Variants in ATRNL1 observed in about 807,000 individuals in gnomAD.
ATRNL1 encodes the protein attractin-like protein 1.
ATRNL1 carries 95 observed loss-of-function variants against 182.7 expected under a neutral mutation model. That is an observed-to-expected ratio of 0.52 (90% CI 0.44 to 0.62). The LOEUF (loss-of-function observed/expected upper bound fraction) is 0.62. ATRNL1 is among the 20% of genes least tolerant of loss of function. The pLI, the probability that ATRNL1 is intolerant of heterozygous loss-of-function variation, is 0.00. For synonymous variants in ATRNL1, 576 were observed against 568.3 expected, an observed-to-expected ratio of 1.01 and a Z score of -0.19; for missense variants, 1,471 against 1,679.5, an observed-to-expected ratio of 0.88 and a Z score of 2.17.
At chr10:115,118,050 G>A (rs782240835) in intron 1 of ATRNL1, among the ~76,000 whole-genome samples, 1 of 151,924 alleles carries the variant, frequency 6.6e-6, no homozygotes, top group African/African-American at 2.4e-5. Context: ...AAATTGGATT[G>A]TTGGCTTTTT....
intron 8 of ATRNL1, among the ~76,000 whole-genome samples, chr10:115,206,517 T>C (rs1848801931): frequency 6.6e-6 from 1 of 152,164 alleles, no homozygotes; most frequent in Admixed American, 6.6e-5. Flanking sequence ...CTTGAGCTAA[T>C]ATCATATCTA....
chr10:115,664,108 C>T (rs1860863526), intron 26 of ATRNL1, among the ~76,000 whole-genome samples: 1 of 152,100 alleles, frequency 6.6e-6, no homozygotes, highest in Non-Finnish European at 1.5e-5. Flanking sequence ...TTGAGACTAC[C>T]TTCCTGGCCC....
At chr10:115,295,624 A>C (rs1224036722) in intron 15 of ATRNL1, among the ~76,000 whole-genome samples, 5 of 152,058 alleles carry the variant, frequency 3.3e-5, no homozygotes, top group Non-Finnish European at 5.9e-5. Context: ...GGGGCGTATT[A>C]GCTGCACAGA....
intron 27 of ATRNL1, among the ~76,000 whole-genome samples, chr10:115,731,763 A>G (rs958334887): frequency 2.0e-5 from 3 of 151,606 alleles, no homozygotes; most frequent in African/African-American, 7.3e-5. Flanking sequence ...CCCGAAAGAA[A>G]CCCTATGCCT....
intron 13 of ATRNL1, 145 bp from the exon 14 acceptor site, chr10:115,281,210 A>G (rs1482220680): frequency 3.2e-6 from 2 of 626,212 alleles, no homozygotes; most frequent in Non-Finnish European, 4.9e-6. Flanking sequence ...AATGAAATAA[A>G]TAAGGGAGAG....
chr10:115,247,062 A>G (rs1850675743), intron 10 of ATRNL1, among the ~76,000 whole-genome samples: 1 of 152,204 alleles, frequency 6.6e-6, no homozygotes, highest in Admixed American at 6.5e-5. Context: ...ACAATAAAAC[A>G]ACAGAAAACA....
At chr10:115,348,436 A>G (rs541074838) in intron 19 of ATRNL1, among the ~76,000 whole-genome samples, 2 of 152,264 alleles carry the variant, frequency 1.3e-5, no homozygotes, top group South Asian at 4.1e-4. Flanking sequence ...TATTATTATT[A>G]CTATTCATAA....
At chr10:115,841,851 A>G (rs1555097261) in intron 27 of ATRNL1, among the ~76,000 whole-genome samples, 2 of 152,110 alleles carry the variant, frequency 1.3e-5, no homozygotes. Context: ...TGCTGATCCT[A>G]TGGAATCAGG....
At chr10:115,663,327 T>C (rs1860807692) in intron 26 of ATRNL1, among the ~76,000 whole-genome samples, 1 of 152,120 alleles carries the variant, frequency 6.6e-6, no homozygotes, top group Admixed American at 6.6e-5. Flanking sequence ...ACTATGTATA[T>C]TATAATTTCA....
chr10:115,134,551 C>A (rs1845413449), intron 5 of ATRNL1, among the ~76,000 whole-genome samples: 1 of 152,046 alleles, frequency 6.6e-6, no homozygotes, highest in Admixed American at 6.6e-5. Context: ...TAATAGCTTA[C>A]CAAGCAAAAA....
chr10:115,276,196 T>A (rs782232718), intron 13 of ATRNL1, among the ~76,000 whole-genome samples: 3 of 152,070 alleles, frequency 2.0e-5, no homozygotes, highest in Non-Finnish European at 2.9e-5. Context: ...CCCCTTATAA[T>A]GGTGTTAATC....
intron 26 of ATRNL1, among the ~76,000 whole-genome samples, chr10:115,598,564 A>G (rs1159045237): frequency 2.6e-5 from 4 of 151,706 alleles, no homozygotes; most frequent in African/African-American, 7.3e-5. Context: ...GGGTTTCACC[A>G]TGTTGGGCAG....
intron 19 of ATRNL1, among the ~76,000 whole-genome samples, chr10:115,355,456 T>C (rs10885696): frequency 0.23 from 34,941 of 152,102 alleles, 5,069 homozygotes; most frequent in Non-Finnish European, 0.33. Context: ...CCTTTTGTTA[T>C]CAGGCAAAGT....
At chr10:115,363,437 G>T (rs1856853122) in intron 19 of ATRNL1, among the ~76,000 whole-genome samples, 1 of 145,614 alleles carries the variant, frequency 6.9e-6, no homozygotes, top group African/African-American at 2.5e-5. Flanking sequence ...CAGATGAGTA[G>T]GTTGCAAAAA....
rs547793726 is a variant in ATRNL1, at chr10:115,468,467, C to G, written c.3497-705C>G. On this transcript the variant is annotated intron_variant, in intron 23 of 28. Coordinates refer to ENST00000355044, the MANE Select transcript of ATRNL1 (RefSeq NM_207303.4). ...AAGTGGTTAGTTAAAAATTCAATTACGCAGTATACTAATTCTAATTATTTT... is the reference window on the plus strand; with the variant it reads ...AAGTGGTTAGTTAAAAATTCAATTAGGCAGTATACTAATTCTAATTATTTT... Among the ~76,000 whole-genome samples the G allele has an allele frequency of 2.0e-5, 3 of 150,832 alleles. No homozygotes were observed. In the East Asian group the frequency reaches 5.8e-4, roughly 29 times the overall value.
rs1157738315 is a variant in ATRNL1, at chr10:115,939,273, G to T, written c.4019-5385G>T. ...GCCTGTTTCCTTTAGGGCTTGTCCT[G>T]CCCTAGGTGAACCAGAGCAGCCACT... On this transcript the variant is annotated intron_variant, in intron 28 of 28. Transcript: ENST00000355044. 3.9e-5 allele frequency among the ~76,000 whole-genome samples: 6 copies of T among 152,132 alleles called. No homozygotes were observed. The East Asian group carries it at 1.2e-3, about 29-fold the overall frequency.
Position 115,266,900 on chromosome 10 carries a change from A to G in ATRNL1, c.1876A>G (p.Asn626Asp), listed in dbSNP as rs782736875. 27 of 1,612,374 alleles carry G rather than the reference A, an allele frequency of 1.7e-5. No individual in the cohort carries two copies. The East Asian group carries it at 2.5e-4, about 15-fold the overall frequency. The change falls in exon 12 of 29, where the codon AAT (asparagine) becomes GAT (aspartate). Residue 626 changes from asparagine to aspartate, a missense_variant. Around this residue, in one of 3 missense-constraint regions of ATRNL1, gnomAD observed 1,031 missense variants for 1,156.0 expected, o/e 0.89. Transcript: ENST00000355044. ...TTTCAGAGATGAAGAACTTTGTAAA[A>G]ATGCTGGTCCAGGGATAAAATGTGT... ...KAFRDEELCK[N>D]AGPGIKCVWN...
chr10:115,806,438 GGA>G (rs1215081530), intron 27 of ATRNL1, among the ~76,000 whole-genome samples: 83 of 152,108 alleles, frequency 5.5e-4, no homozygotes, highest in African/African-American at 2.0e-3. Context: ...ATTTCCTGTA[GGA>G]AATTAATAAA....
At chr10:115,426,100 T>C (rs527893018) in intron 20 of ATRNL1, 150 bp from the exon 21 acceptor site, 36 of 544,038 alleles carry the variant, frequency 6.6e-5, no homozygotes, top group Non-Finnish European at 1.1e-4. Context: ...TTCAAACACA[T>C]CTTTCAAAGA....
Sources: allele counts gnomAD v4.1 joint callset (sites outside exome capture counted in the v4.1 genomes callset), GRCh38; gene constraint gnomAD v4.1.1; regional missense constraint gnomAD v4.1.1; transcripts MANE v1.5; gene names NCBI Gene and HGNC (gene_info 2026-07-23, HGNC 2026-07-21).